The following KAZN variants were observed in gnomAD, a reference collection of about 807,000 sequenced individuals.
The protein encoded by KAZN is kazrin.
KAZN carries 40 observed loss-of-function variants against 87.4 expected under a neutral mutation model. The ratio of observed to expected loss-of-function variants is 0.46; its 90% CI spans 0.36 to 0.60. KAZN has a LOEUF of 0.60. Among genes scored for constraint, KAZN ranks in the 20% least tolerant of loss-of-function variants. The probability of loss-of-function intolerance (pLI) is 0.00; values close to 1 mark genes in which losing one functional copy is unlikely to be tolerated. For missense variants in KAZN, 898 were observed against 1,073.9 expected (o/e 0.84, Z 2.29); for synonymous variants, 466 against 458.3 (o/e 1.02, Z -0.22).
chr1:14,354,732 C>T (rs1414220383), intron 2 of KAZN, among the ~76,000 whole-genome samples: 1 of 151,312 alleles, frequency 6.6e-6, no homozygotes, highest in African/African-American at 2.4e-5. Context: ...CCTGGATCAA[C>T]TGGAACACCC....
intron 8 of KAZN, among the ~76,000 whole-genome samples, chr1:15,079,435 A>G (rs1639898034): frequency 6.6e-6 from 1 of 152,186 alleles, no homozygotes. Flanking sequence ...GTCACAATTC[A>G]ATACTGTTGG....
intron 1 of KAZN, among the ~76,000 whole-genome samples, chr1:14,168,608 G>GGAC (rs1645883334): frequency 6.6e-6 from 1 of 152,140 alleles, no homozygotes; most frequent in South Asian, 2.1e-4. Context: ...ACAGGCTATA[G>GGAC]GACTGTGTGA....
chr1:14,508,563 C>T (rs547239347), intron 2 of KAZN, among the ~76,000 whole-genome samples: 1 of 152,260 alleles, frequency 6.6e-6, no homozygotes, highest in African/African-American at 2.4e-5. Context: ...CTCATCATAG[C>T]AGCAACCTGG....
intron 1 of KAZN, among the ~76,000 whole-genome samples, chr1:14,905,991 A>T (rs1261013802): frequency 6.6e-6 from 1 of 150,734 alleles, no homozygotes; most frequent in African/African-American, 2.4e-5. Context: ...ACACGGTGAG[A>T]CCCCGTCTCT....
intron 2 of KAZN, among the ~76,000 whole-genome samples, chr1:14,230,751 T>C (rs1288371507): frequency 6.6e-6 from 1 of 152,194 alleles, no homozygotes; most frequent in Non-Finnish European, 1.5e-5. Context: ...TTCTCCCCCT[T>C]GGTGGCCATA....
intron 1 of KAZN, among the ~76,000 whole-genome samples, chr1:14,896,041 CT>C (rs201188620): frequency 3.1e-3 from 436 of 140,280 alleles, no homozygotes; most frequent in African/African-American, 9.8e-3. Flanking sequence ...AAAAAGACGC[CT>C]TTTTTTTTTT....
intron 1 of KAZN, among the ~76,000 whole-genome samples, chr1:14,145,867 G>A (rs1475074160): frequency 6.6e-6 from 1 of 152,152 alleles, no homozygotes; most frequent in Non-Finnish European, 1.5e-5. Flanking sequence ...ACTGTGCCTG[G>A]CCAAGACAGT....
chr1:14,618,180 G>GTTCCA (rs1282058985), intron 1 of KAZN, among the ~76,000 whole-genome samples: 2 of 152,206 alleles, frequency 1.3e-5, no homozygotes, highest in East Asian at 3.9e-4. Context: ...TGTAAGGTGT[G>GTTCCA]TCCCATGTCC....
chr1:14,589,332 A>G (rs10927470), intron 2 of KAZN, among the ~76,000 whole-genome samples: 12 of 6,568 alleles, frequency 1.8e-3, no homozygotes, highest in Non-Finnish European at 2.4e-3. Flanking sequence ...CAAGGCAGGT[A>G]AAAAAAAAAA....
intron 1 of KAZN, among the ~76,000 whole-genome samples, chr1:14,928,155 T>G (rs6429685): frequency 0.13 from 20,041 of 152,212 alleles, 1,430 homozygotes; most frequent in Middle Eastern, 0.18. Flanking sequence ...CTTAAGAAAG[T>G]AGACCCACAT....
At chr1:14,781,118 C>T (rs578043188) in intron 1 of KAZN, among the ~76,000 whole-genome samples, 7 of 152,134 alleles carry the variant, frequency 4.6e-5, no homozygotes, top group Admixed American at 4.6e-4. Flanking sequence ...GTCAGGAGAT[C>T]GAGACCATCC....
chr1:14,507,980 A>AT (rs1553181512), intron 2 of KAZN, among the ~76,000 whole-genome samples: 1,763 of 41,816 alleles, frequency 0.042, 17 homozygotes, highest in African/African-American at 0.08. Flanking sequence ...AAAATAAATA[A>AT]AAAAAAAAAA....
chr1:14,189,129 C>G (rs1157935696), intron 2 of KAZN, among the ~76,000 whole-genome samples: 1 of 152,168 alleles, frequency 6.6e-6, no homozygotes, highest in African/African-American at 2.4e-5. Context: ...CATGTTCCTT[C>G]ATTCCTTGTC....
intron 1 of KAZN, among the ~76,000 whole-genome samples, chr1:14,830,608 T>C (rs907850613): frequency 1.3e-5 from 2 of 152,010 alleles, no homozygotes; most frequent in Non-Finnish European, 2.9e-5. Context: ...CTTACAATCA[T>C]GAGGAAGGCG....
intron 2 of KAZN, among the ~76,000 whole-genome samples, chr1:14,526,166 C>T (rs376814627): frequency 7.2e-5 from 11 of 152,210 alleles, no homozygotes; most frequent in African/African-American, 2.4e-4. Flanking sequence ...AAGCCCTCCT[C>T]ATTGTCATTT....
intron 1 of KAZN, among the ~76,000 whole-genome samples, chr1:14,133,377 AAAAGAAAGAAAG>A (rs149462642): frequency 0.013 from 968 of 72,030 alleles, 50 homozygotes; most frequent in Middle Eastern, 0.026. Flanking sequence ...AAAAAAAAAA[AAAAGAAAGAAAG>A]AAAGAAAGAA....
intron 1 of KAZN, among the ~76,000 whole-genome samples, chr1:14,675,264 G>T (rs1005674770): frequency 2.0e-5 from 3 of 152,216 alleles, no homozygotes; most frequent in African/African-American, 7.2e-5. Context: ...CTTGAAGTAG[G>T]ATTGGGTTGA....
intron 1 of KAZN, among the ~76,000 whole-genome samples, chr1:14,101,872 C>T (rs1317375769): frequency 6.6e-6 from 1 of 152,070 alleles, no homozygotes; most frequent in East Asian, 1.9e-4. Context: ...ATAGTGCAAA[C>T]CTAAATGATA....
intron 2 of KAZN, among the ~76,000 whole-genome samples, chr1:14,201,044 C>T (rs951229236): frequency 9.2e-5 from 14 of 152,224 alleles, no homozygotes; most frequent in Middle Eastern, 3.4e-3. Flanking sequence ...TGGCCTCTCC[C>T]GGCCCAATTT....
Sources: allele counts gnomAD v4.1 joint callset (sites outside exome capture counted in the v4.1 genomes callset), GRCh38; gene constraint gnomAD v4.1.1; transcripts MANE v1.5; gene names NCBI Gene and HGNC (gene_info 2026-07-23, HGNC 2026-07-21).